The following NCKAP1L variants were observed in gnomAD, a reference collection of about 807,000 sequenced individuals.
NCKAP1L encodes the protein NCK associated protein 1 like, also known as nck-associated protein 1-like.
NCKAP1L carries 53 observed loss-of-function variants against 139.2 expected under a neutral mutation model. The ratio of observed to expected loss-of-function variants is 0.38; its 90% confidence interval spans 0.31 to 0.48. NCKAP1L has a LOEUF of 0.48. Among genes scored for constraint, NCKAP1L ranks in the 20% least tolerant of loss-of-function variants. NCKAP1L has a pLI of 0.98. For missense variants in NCKAP1L, 1,151 were observed against 1,381.9 expected, an observed-to-expected ratio of 0.83 and a Z score of 2.65; for synonymous variants, 468 against 499.7, an observed-to-expected ratio of 0.94 and a Z score of 0.85.
chr12:54,525,970 T>G (rs1314151174), intron 20 of NCKAP1L, among the ~76,000 whole-genome samples: 4 of 152,134 alleles, frequency 2.6e-5, no homozygotes, highest in African/African-American at 9.7e-5. Flanking sequence ...TATTCTCCCC[T>G]CTCTAATGTT....
At chr12:54,498,879 T>G (rs1956772185) in intron 1 of NCKAP1L, 1 of 829,800 alleles carries the variant, frequency 1.2e-6, no homozygotes, top group African/African-American at 1.9e-5. Flanking sequence ...GTCTTGGAAT[T>G]TTTTCTTGAC....
intron 20 of NCKAP1L, 62 bp from the exon 21 acceptor site, chr12:54,526,466 C>T: frequency 7.6e-7 from 1 of 1,319,374 alleles, no homozygotes; most frequent in Non-Finnish European, 1.1e-6. Flanking sequence ...ATACACTCAA[C>T]AATTGTTACT....
intron 18 of NCKAP1L, among the ~76,000 whole-genome samples, chr12:54,522,875 C>T (rs140107607): frequency 0.015 from 2,205 of 151,966 alleles, 45 homozygotes; most frequent in African/African-American, 0.05. Context: ...AAATATGCTA[C>T]TTAAAAAAAA....
intron 16 of NCKAP1L, among the ~76,000 whole-genome samples, chr12:54,519,875 A>ATT (rs79806874): frequency 6.0e-4 from 83 of 137,416 alleles, no homozygotes; most frequent in African/African-American, 1.2e-3. Flanking sequence ...ACGTCTTCAG[A>ATT]TTTTTTTTTT....
At chr12:54,511,723 A>C in intron 7 of NCKAP1L, 80 bp from the exon 8 acceptor site, 1 of 1,500,914 alleles carries the variant, frequency 6.7e-7, no homozygotes, top group Non-Finnish European at 9.1e-7. Flanking sequence ...TAGTTTTGAT[A>C]CTCAGATCCT....
chr12:54,499,581 A>G, intron 2 of NCKAP1L, 116 bp downstream of exon 2: 2 of 626,862 alleles, frequency 3.2e-6, no homozygotes, highest in East Asian at 2.8e-5. Flanking sequence ...GTCTTTTTTT[A>G]TTAATAGTTT....
chr12:54,514,686 T>A (rs1455139550), intron 9 of NCKAP1L, among the ~76,000 whole-genome samples: 1 of 152,196 alleles, frequency 6.6e-6, no homozygotes, highest in Non-Finnish European at 1.5e-5. Context: ...GTAAAGGGTA[T>A]GTACATTTCA....
chr12:54,500,237 ACT>A (rs1956787065), intron 2 of NCKAP1L, among the ~76,000 whole-genome samples: 1 of 150,880 alleles, frequency 6.6e-6, no homozygotes, highest in African/African-American at 2.4e-5. Flanking sequence ...GATTCTTCTG[ACT>A]CAGCCTCTCG....
In NCKAP1L at chr12:54,516,932, G is replaced by A. The variant is rs749098093; in HGVS notation, c.1035G>A (p.Arg345=). The part of the protein sequence containing the change: ...QFHCQRRQFL[R]MAVKELETVL... The stretch of plus-strand genomic sequence containing the variant: ...ATTGTCAACGGCGGCAATTTCTGCG[G>A]ATGGCAGTGAAGGAGCTGGAGACTG... The change falls in exon 11 of 31, where the codon CGG becomes CGA. Residue 345 remains arginine, a synonymous_variant. Transcript: ENST00000293373. 5.0e-6 allele frequency: 8 copies of A among 1,612,972 alleles called. No individual in the cohort carries two copies. In the Admixed American group the frequency reaches 1.3e-4, roughly 27 times the overall value.
At position 54,500,852 on chromosome 12, in the gene NCKAP1L, A is replaced by C. The variant is rs1956792268; in HGVS notation, c.306+227A>C. 4 of 356,260 alleles carry C rather than the reference A, an allele frequency of 1.1e-5. No individual in the cohort carries two copies. In the East Asian group the frequency reaches 2.1e-4, roughly 18 times the overall value. 22.1% of individuals were successfully genotyped at this position (356,260 alleles called of 1,614,324 possible). On this transcript the variant is annotated intron_variant, in intron 3 of 30. Coordinates refer to ENST00000293373, the MANE Select transcript of NCKAP1L (RefSeq NM_005337.5). ...GTATGTATGTATATGTATTTAGTAA[A>C]TATCTAGGAAAGATCTGGACTATTT... is the stretch of plus-strand genomic sequence containing the variant.
rs59004214 is a variant in NCKAP1L, at chr12:54,533,455, T to G, written c.2862+1205T>G. ...GGTTCCTTATCTCTGAGGCCGTGGT[T>G]CCACAAACGGTCATTTAGGTAGTAG... On this transcript the variant is annotated intron_variant, in intron 26 of 30. Coordinates refer to ENST00000293373, the MANE Select transcript of NCKAP1L (RefSeq NM_005337.5). Among the ~76,000 whole-genome samples, 359 of 152,312 alleles carry G rather than the reference T, an allele frequency of 2.4e-3. 2 individuals are homozygous for G. The highest frequency in any genetic ancestry group is 8.0e-3 in the African/African-American group (334 of 41,560).
chr12:54,527,143 G>A (rs1313730907), intron 21 of NCKAP1L, among the ~76,000 whole-genome samples: 4 of 152,070 alleles, frequency 2.6e-5, no homozygotes, highest in Non-Finnish European at 4.4e-5. Flanking sequence ...CCATCTCTCT[G>A]GAACGTCTCC....
chr12:54,513,088 G>C (rs1592341121), intron 9 of NCKAP1L, among the ~76,000 whole-genome samples: 1 of 152,176 alleles, frequency 6.6e-6, no homozygotes, highest in South Asian at 2.1e-4. Context: ...TCAGACAGGG[G>C]AGTGACATGA....
rs764796541 is a variant in NCKAP1L at position 54,531,845 on chromosome 12, T to C, written c.2781+20T>C. 6.3e-7 allele frequency: 1 copy of C among 1,585,022 alleles called. No individual in the cohort carries two copies. The highest frequency in any genetic ancestry group is 1.1e-5 in the South Asian group (1 of 90,384). ...CGGGAGGTGAGTTGGTGGGGAGGGG[T>C]CTGTCACAGAGTCACAGATACCTCT... is the stretch of plus-strand genomic sequence containing the variant. On this transcript the variant is annotated intron_variant, in intron 25 of 30. Transcript: ENST00000293373.
At chr12:54,503,020 G>GA (rs1956812947) in intron 3 of NCKAP1L, among the ~76,000 whole-genome samples, 1 of 143,948 alleles carries the variant, frequency 6.9e-6, no homozygotes, top group Non-Finnish European at 1.5e-5. Flanking sequence ...AAAAAAAAAA[G>GA]AAACAAAACC....
intron 21 of NCKAP1L, among the ~76,000 whole-genome samples, chr12:54,527,836 G>T (rs533151845): frequency 4.9e-4 from 74 of 152,276 alleles, no homozygotes; most frequent in Non-Finnish European, 6.9e-4. Context: ...GTGCTCACAG[G>T]TACCTCTTTG....
At position 54,543,230 on chromosome 12, in the gene NCKAP1L, C is replaced by G. The variant is rs1046151659; in HGVS notation, c.*545C>G. ...CTGCAGAGTAGCAGCAAAGGAGCCC[C>G]TCTTTTCCTTTGTGGGGCTCTTCGA... On this transcript the variant is annotated 3_prime_UTR_variant, in exon 31 of 31. Transcript: ENST00000293373. 6.6e-6 allele frequency: 1 copy of G among 152,308 alleles called. No homozygotes were observed. The highest frequency in any genetic ancestry group is 1.5e-5 in the Non-Finnish European group (1 of 68,138). The allele number at this position is 152,308 out of a possible 1,614,324, so 9.4% of individuals were successfully genotyped here.
chr12:54,513,015 G>A (rs1956900880), intron 9 of NCKAP1L, among the ~76,000 whole-genome samples: 1 of 152,166 alleles, frequency 6.6e-6, no homozygotes, highest in Non-Finnish European at 1.5e-5. Flanking sequence ...AAATTAGGAT[G>A]TTGTATGCTT....
Position 54,538,973 on chromosome 12 carries a change from G to C in NCKAP1L, c.3273G>C (p.Leu1091Phe), listed in dbSNP as rs182948480. Residue 1091 changes from leucine to phenylalanine, a missense_variant and splice_region_variant, in exon 30 of 31, where the codon TTG becomes TTC. By Grantham distance (22) the Leu-to-Phe change is conservative. Transcript: ENST00000293373. ...AATCCATTTCTCTGCTCATGCGCTT[G>C]GTAAGTACCTTATTTAAATTGGTGT... ...NRESISLLMR[L>F]VVEESSFLTL... 1.2e-6 allele frequency: 2 copies of C among 1,613,384 alleles called. No homozygotes were observed. The highest frequency in any genetic ancestry group is 1.7e-6 in the Non-Finnish European group (2 of 1,179,500).
Sources: gnomAD v4.1 joint callset for allele counts (sites outside exome capture counted in the v4.1 genomes callset) on GRCh38, gnomAD v4.1.1 for gene constraint, MANE v1.5 for transcripts, NCBI Gene and HGNC (gene_info 2026-07-23, HGNC 2026-07-21) for gene names.